The following CLIC6 variants were observed in gnomAD, a reference collection of about 807,000 sequenced individuals.
CLIC6 encodes CLIC family member 6.
A neutral mutation model predicts 49.2 loss-of-function variants in CLIC6; 39 were observed. The ratio of observed to expected loss-of-function variants is 0.79; its 90% CI spans 0.61 to 1.04. CLIC6 has a LOEUF of 1.04. Ranked by LOEUF, CLIC6 falls within the 50% of genes least tolerant of loss-of-function variation. The pLI, the probability that CLIC6 is intolerant of heterozygous loss-of-function variation, is 0.00. For missense variants in CLIC6, 988 were observed against 993.1 expected (o/e 0.99, Z 0.07); for synonymous variants, 446 against 433.4 (o/e 1.03, Z -0.36).
In CLIC6 at chr21:34,716,521, GC is replaced by G; in HGVS notation, c.*40del. Reference sequence around the variant, plus strand: ...TCTGTCTTATTTCTCAGTTGAGTGAGCAAGGATACGAAAACAGTGTGTTTGA... The same window carrying G: ...TCTGTCTTATTTCTCAGTTGAGTGAGAAGGATACGAAAACAGTGTGTTTGA... On this transcript the variant is annotated 3_prime_UTR_variant, in exon 6 of 6. Coordinates refer to ENST00000349499, the MANE Select transcript of CLIC6 (RefSeq NM_053277.3). 1 of 1,545,194 alleles carries G rather than the reference GC, an allele frequency of 6.5e-7. No homozygotes were observed.
chr21:34,697,664 G>C (rs1990111321), intron 1 of CLIC6, among the ~76,000 whole-genome samples: 1 of 152,248 alleles, frequency 6.6e-6, no homozygotes, highest in South Asian at 2.1e-4. Context: ...CCAGGACTTA[G>C]GGGGAGATGG....
intron 1 of CLIC6, among the ~76,000 whole-genome samples, chr21:34,696,629 G>A (rs1794256207): frequency 6.6e-6 from 1 of 152,198 alleles, no homozygotes; most frequent in Non-Finnish European, 1.5e-5. Flanking sequence ...TAGGGTTGTT[G>A]CTAGGATTAA....
rs187031050 is a variant in CLIC6 at position 34,693,154 on chromosome 21, G to A, written c.1375-14126G>A. On this transcript the variant is annotated intron_variant, in intron 1 of 5. Transcript: ENST00000349499. ...TCTGTTTGAGGTGCCTAGACAAAAA[G>A]ACATTGCCTTCTTCCGGTGATTCTT... Among the ~76,000 whole-genome samples the A allele has an allele frequency of 6.6e-5, 10 of 152,314 alleles. No homozygotes were observed. In the East Asian group the frequency reaches 1.9e-3, roughly 29 times the overall value.
chr21:34,711,842 T>C (rs1056755756), intron 5 of CLIC6, among the ~76,000 whole-genome samples: 1 of 152,154 alleles, frequency 6.6e-6, no homozygotes, highest in African/African-American at 2.4e-5. Flanking sequence ...TATCCAAAAT[T>C]TAATGAAAGC....
intron 1 of CLIC6, among the ~76,000 whole-genome samples, chr21:34,697,987 C>T (rs1479054093): frequency 6.7e-6 from 1 of 149,506 alleles, no homozygotes; most frequent in African/African-American, 2.5e-5. Flanking sequence ...TTCGCTGTCT[C>T]TATAGGAGCT....
intron 1 of CLIC6, among the ~76,000 whole-genome samples, chr21:34,700,121 C>G (rs1420055911): frequency 6.6e-6 from 1 of 152,078 alleles, no homozygotes; most frequent in Non-Finnish European, 1.5e-5. Context: ...TCACATCTGC[C>G]GGCATTCACC....
rs993844796 is a variant in CLIC6, at chr21:34,717,344, G to C, written c.*862G>C. 3 of 152,226 alleles carry C rather than the reference G, an allele frequency of 2.0e-5. No individual in the cohort carries two copies. Among genetic ancestry groups the C allele is most frequent in the Non-Finnish European group, 4.4e-5 (3 of 68,112 alleles). 9.4% of individuals were successfully genotyped at this position (152,226 alleles called of 1,614,324 possible). On this transcript the variant is annotated 3_prime_UTR_variant, in exon 6 of 6. Coordinates refer to ENST00000349499, the MANE Select transcript of CLIC6 (RefSeq NM_053277.3). ...CCAAGCACACTTTGGTTCCTTCTCCGGGCGGCTCTCTCTGAGACCCAAGGC... is the reference window on the plus strand; with the variant it reads ...CCAAGCACACTTTGGTTCCTTCTCCCGGCGGCTCTCTCTGAGACCCAAGGC...
rs950036345 is a variant in CLIC6, at chr21:34,669,869, G to C, written c.481G>C (p.Asp161His). The change falls in exon 1 of 6, where the codon GAC becomes CAC. Residue 161 changes from aspartate (D) to histidine (H), a missense_variant. Coordinates refer to ENST00000349499, the MANE Select transcript of CLIC6 (RefSeq NM_053277.3). ...GTCCGGGGAGGCGGGGGACAGCGTAGACGCGGAGGGCCCGCTGGGGGACAA... is the reference window on the plus strand; with the variant it reads ...GTCCGGGGAGGCGGGGGACAGCGTACACGCGGAGGGCCCGCTGGGGGACAA... ...SASGEAGDSV[D>H]AEGPLGDNIE... 10 of 1,335,506 alleles carry C rather than the reference G, an allele frequency of 7.5e-6. No individual in the cohort carries two copies. The African/African-American group carries it at 1.4e-4, about 19-fold the overall frequency. The allele number at this position is 1,335,506 out of a possible 1,614,324, so 82.7% of individuals were successfully genotyped here. A position where few individuals can be genotyped will look rare whatever the true frequency, so the allele number is the denominator to read the frequency against.
intron 1 of CLIC6, among the ~76,000 whole-genome samples, chr21:34,691,050 T>C (rs1482774449): frequency 2.0e-5 from 3 of 151,930 alleles, no homozygotes; most frequent in African/African-American, 7.3e-5. Context: ...CAGTGGAAAA[T>C]GGGGGAAGGT....
intron 5 of CLIC6, among the ~76,000 whole-genome samples, chr21:34,711,797 C>G (rs1448938820): frequency 1.3e-5 from 2 of 152,108 alleles, no homozygotes; most frequent in East Asian, 3.9e-4. Flanking sequence ...ATCCCTTGGG[C>G]AGATGTCTTT....
chr21:34,689,168 T>A (rs1351857683), intron 1 of CLIC6, among the ~76,000 whole-genome samples: 1 of 152,212 alleles, frequency 6.6e-6, no homozygotes, highest in Non-Finnish European at 1.5e-5. Context: ...TTCTTCCTCA[T>A]GAACTGCAGT....
chr21:34,700,064 G>A (rs1990158913), intron 1 of CLIC6, among the ~76,000 whole-genome samples: 1 of 152,160 alleles, frequency 6.6e-6, no homozygotes, highest in South Asian at 2.1e-4. Flanking sequence ...GGAAGATGGA[G>A]CCGCCATGTT....
At chr21:34,708,156 T>C in intron 3 of CLIC6, 87 bp downstream of exon 3, 1 of 1,507,884 alleles carries the variant, frequency 6.6e-7, no homozygotes, top group Non-Finnish European at 9.1e-7. Flanking sequence ...AGTGTGTGTG[T>C]GTGTGGTTTT....
rs1329060417 is a variant in CLIC6, at chr21:34,670,742, G to A, written c.1354G>A (p.Asp452Asn). The change falls in exon 1 of 6, where the codon GAC becomes AAC. Residue 452 changes from aspartate (D) to asparagine (N), a missense_variant. By Grantham distance (23) the Asp-to-Asn change is conservative. This residue lies in a region of CLIC6 where 647 missense variants were observed against 596.9 expected (regional missense o/e 1.08). Transcript: ENST00000349499. ...GCCCCGGGCCCTGGGGCAGGAGCAC[G>A]ACATCACCCTCTTCGTCAAGGTAAA... ...SEPRALGQEHDITLFVKAGYD... is the reference protein window; with the variant it reads ...SEPRALGQEHNITLFVKAGYD... 2 of 1,600,276 alleles carry A rather than the reference G, an allele frequency of 1.2e-6. No individual in the cohort carries two copies. The highest frequency in any genetic ancestry group is 1.7e-6 in the Non-Finnish European group (2 of 1,177,850).
chr21:34,677,747 A>C (rs1207601390), intron 1 of CLIC6, among the ~76,000 whole-genome samples: 2 of 152,120 alleles, frequency 1.3e-5, no homozygotes, highest in Non-Finnish European at 2.9e-5. Context: ...TCTGTGTCTA[A>C]TGGCTAGAAC....
At chr21:34,701,015 T>C (rs1467187735) in intron 1 of CLIC6, among the ~76,000 whole-genome samples, 7 of 138,910 alleles carry the variant, frequency 5.0e-5, no homozygotes, top group Non-Finnish European at 9.3e-5. Flanking sequence ...TAATTTTCAC[T>C]TGGAGTAGGT....
rs571073706 is a variant in CLIC6 at position 34,707,726 on chromosome 21, T to C, written c.1485-218T>C. Among the ~76,000 whole-genome samples, 111 of 152,332 alleles carry C rather than the reference T, an allele frequency of 7.3e-4. 1 individual carries two copies. In the Middle Eastern group the frequency reaches 0.02, roughly 28 times the overall value. On this transcript the variant is annotated intron_variant, in intron 2 of 5. Transcript: ENST00000349499. ...CACCTCTGTTTGTTGATATGCCCCTTTGTGCTCCGTATTCACAAAGGGGCA... is the reference window on the plus strand; with the variant it reads ...CACCTCTGTTTGTTGATATGCCCCTCTGTGCTCCGTATTCACAAAGGGGCA...
Position 34,670,232 on chromosome 21 carries a change from G to A in CLIC6, c.844G>A (p.Ala282Thr), listed in dbSNP as rs879373292. ...AEGPAGDSMDAEGPAGRARRV... is the reference protein window; with the variant it reads ...AEGPAGDSMDTEGPAGRARRV... ...AGGCCCGGCGGGGGACAGCATGGAC[G>A]CCGAGGGTCCGGCAGGAAGGGCGCG... Residue 282 changes from alanine (A) to threonine (T), a missense_variant, in exon 1 of 6, where the codon GCC becomes ACC. Around this residue, in one of 3 missense-constraint regions of CLIC6, gnomAD observed 647 missense variants for 596.9 expected, o/e 1.08. Coordinates refer to ENST00000349499, the MANE Select transcript of CLIC6 (RefSeq NM_053277.3). The A allele has an allele frequency of 4.2e-6, 6 of 1,421,156 alleles. No homozygotes were observed. Among genetic ancestry groups the A allele is most frequent in the Non-Finnish European group, 5.5e-6 (6 of 1,095,390 alleles). The allele number at this position is 1,421,156 out of a possible 1,614,324, so 88.0% of individuals were successfully genotyped here. A position where few individuals can be genotyped will look rare whatever the true frequency, so the allele number is the denominator to read the frequency against.
At chr21:34,705,532 C>G (rs1200948875) in intron 1 of CLIC6, among the ~76,000 whole-genome samples, 1 of 152,122 alleles carries the variant, frequency 6.6e-6, no homozygotes. Context: ...TTCAAGATAC[C>G]TGGAGAGATT....
Sources: allele counts gnomAD v4.1 joint callset (sites outside exome capture counted in the v4.1 genomes callset), GRCh38; gene constraint gnomAD v4.1.1; regional missense constraint gnomAD v4.1.1; transcripts MANE v1.5; gene names NCBI Gene and HGNC (gene_info 2026-07-23, HGNC 2026-07-21).